PCDH15: variants seen among roughly 807,000 people sequenced by gnomAD.
PCDH15 encodes protocadherin related 15, also known as protocadherin-15.
In PCDH15, 129 loss-of-function variants were observed where a neutral mutation model predicts 178.5. That is an observed-to-expected ratio of 0.72 (90% confidence interval 0.63 to 0.84). PCDH15 has a LOEUF of 0.84. Among genes scored for constraint, PCDH15 ranks in the 40% least tolerant of loss-of-function variants. The pLI, the probability that PCDH15 is intolerant of heterozygous loss-of-function variation, is 0.00. For missense variants in PCDH15, 2,230 were observed against 2,099.9 expected (o/e 1.06, Z -1.21); for synonymous variants, 800 against 732.0 (o/e 1.09, Z -1.50).
chr10:54,426,666 T>A (rs568056197), intron 3 of PCDH15, among the ~76,000 whole-genome samples: 221 of 152,304 alleles, frequency 1.5e-3, no homozygotes, highest in Non-Finnish European at 2.6e-3. Flanking sequence ...ATTAGATTTT[T>A]TTTTTAAATT....
chr10:54,608,900 T>C (rs906711839), intron 2 of PCDH15, among the ~76,000 whole-genome samples: 12 of 151,930 alleles, frequency 7.9e-5, no homozygotes, highest in African/African-American at 2.9e-4. Context: ...GAAATGAAAA[T>C]ATATTCTGAA....
At chr10:55,253,165 C>T (rs1014418579) in intron 1 of PCDH15, among the ~76,000 whole-genome samples, 24 of 150,944 alleles carry the variant, frequency 1.6e-4, no homozygotes, top group African/African-American at 5.9e-4. Flanking sequence ...AGGAGAAAGA[C>T]AAAGACAGAA....
chr10:54,683,984 T>A (rs1240636420), intron 1 of PCDH15, among the ~76,000 whole-genome samples: 1 of 152,004 alleles, frequency 6.6e-6, no homozygotes, highest in Non-Finnish European at 1.5e-5. Context: ...TATAGGCTTT[T>A]TGAGATACTA....
At chr10:54,783,090 C>T (rs1016534072) in intron 1 of PCDH15, among the ~76,000 whole-genome samples, 1 of 152,044 alleles carries the variant, frequency 6.6e-6, no homozygotes, top group Admixed American at 6.6e-5. Context: ...GGAAACGTGA[C>T]ACTTTCAAAG....
intron 21 of PCDH15, among the ~76,000 whole-genome samples, chr10:53,985,926 T>C (rs1043167942): frequency 6.6e-6 from 1 of 152,218 alleles, no homozygotes; most frequent in African/African-American, 2.4e-5. Context: ...ATTTACTATG[T>C]AGTAGGCACC....
intron 1 of PCDH15, among the ~76,000 whole-genome samples, chr10:55,215,881 C>T (rs1398925492): frequency 1.3e-5 from 2 of 151,896 alleles, no homozygotes; most frequent in African/African-American, 2.4e-5. Flanking sequence ...TCTGAAGTTA[C>T]AATCTTGATG....
chr10:55,442,664 T>C (rs1270964280), intron 2 of PCDH15, among the ~76,000 whole-genome samples: 2 of 150,966 alleles, frequency 1.3e-5, no homozygotes, highest in Non-Finnish European at 3.0e-5. Context: ...AAAAAAGAGA[T>C]CCTGTAAATA....
intron 3 of PCDH15, among the ~76,000 whole-genome samples, chr10:54,889,487 A>T (rs891492110): frequency 8.0e-6 from 1 of 124,896 alleles, no homozygotes; most frequent in Non-Finnish European, 1.6e-5. Context: ...TATTTTGAAT[A>T]GCTAATTGTG....
intron 2 of PCDH15, among the ~76,000 whole-genome samples, chr10:54,984,036 G>C (rs983296548): frequency 6.6e-6 from 1 of 152,172 alleles, no homozygotes; most frequent in Non-Finnish European, 1.5e-5. Context: ...AGAATTATAA[G>C]AAGGGAATTA....
chr10:55,084,884 C>T (rs753676690), intron 2 of PCDH15, among the ~76,000 whole-genome samples: 11 of 151,972 alleles, frequency 7.2e-5, no homozygotes, highest in Non-Finnish European at 1.5e-4. Context: ...TATATCATCT[C>T]AGCCCAGGTA....
intron 2 of PCDH15, among the ~76,000 whole-genome samples, chr10:55,022,082 G>T (rs1167296285): frequency 2.0e-5 from 3 of 152,094 alleles, no homozygotes; most frequent in African/African-American, 7.2e-5. Context: ...GATATATAAA[G>T]TTAGATAGGA....
At chr10:54,905,733 T>A (rs1196016104) in intron 2 of PCDH15, among the ~76,000 whole-genome samples, 2 of 152,048 alleles carry the variant, frequency 1.3e-5, no homozygotes, top group African/African-American at 4.8e-5. Context: ...GCTCAATAGT[T>A]CCATATGGAC....
chr10:54,687,992 A>G (rs577576297), intron 1 of PCDH15, among the ~76,000 whole-genome samples: 13 of 152,122 alleles, frequency 8.5e-5, no homozygotes, highest in Non-Finnish European at 1.6e-4. Context: ...AAGATTATAC[A>G]CTTAAAAATT....
chr10:55,134,612 C>A (rs1281771817), intron 2 of PCDH15, among the ~76,000 whole-genome samples: 2 of 152,076 alleles, frequency 1.3e-5, no homozygotes. Flanking sequence ...ACAATTTTAT[C>A]TTCTGGTTTT....
Position 53,830,902 on chromosome 10 carries a change from C to A in PCDH15, c.4202+413G>T, listed in dbSNP as rs371134151. Reference sequence around the variant, plus strand: ...CAAATTTAACAGTTTGGATAAAAACCTATCATGACAATGTCGCGAAGTTAT... The same window carrying A: ...CAAATTTAACAGTTTGGATAAAAACATATCATGACAATGTCGCGAAGTTAT... On this transcript the variant is annotated intron_variant, in intron 30 of 37. Coordinates refer to ENST00000644397, the MANE Select transcript of PCDH15 (RefSeq NM_001384140.1). Among the ~76,000 whole-genome samples the A allele has an allele frequency of 5.3e-5, 8 of 152,248 alleles. No homozygotes were observed. The East Asian group carries it at 1.4e-3, about 26-fold the overall frequency.
chr10:55,276,824 A>G (rs369337399), intron 1 of PCDH15, among the ~76,000 whole-genome samples: 2 of 151,864 alleles, frequency 1.3e-5, no homozygotes, highest in South Asian at 2.1e-4. Flanking sequence ...AGAACCTTTT[A>G]CTTACTGTTA....
intron 17 of PCDH15, among the ~76,000 whole-genome samples, chr10:54,078,622 A>G (rs1262764495): frequency 6.6e-6 from 1 of 152,128 alleles, no homozygotes; most frequent in Non-Finnish European, 1.5e-5. Flanking sequence ...AACACATGGC[A>G]TAGAAATGGT....
intron 2 of PCDH15, among the ~76,000 whole-genome samples, chr10:55,581,314 GAA>G (rs1347079562): frequency 6.6e-6 from 1 of 151,674 alleles, no homozygotes; most frequent in East Asian, 1.9e-4. Context: ...ATATATAACA[GAA>G]AATGCTAATA....
intron 13 of PCDH15, among the ~76,000 whole-genome samples, chr10:54,179,276 A>T (rs935128518): frequency 6.6e-6 from 1 of 152,206 alleles, no homozygotes; most frequent in South Asian, 2.1e-4. Flanking sequence ...GTAGGGACAT[A>T]GATGAAATTG....
Sources: gnomAD v4.1 joint callset for allele counts (sites outside exome capture counted in the v4.1 genomes callset) on GRCh38, gnomAD v4.1.1 for gene constraint, MANE v1.5 for transcripts, NCBI Gene and HGNC (gene_info 2026-07-23, HGNC 2026-07-21) for gene names.